Variants in SERGEF observed in about 807,000 individuals in gnomAD.
The protein encoded by SERGEF is secretion regulating guanine nucleotide exchange factor.
Under a neutral mutation model 50.0 loss-of-function variants are expected in SERGEF, and 51 were observed. The observed-to-expected ratio is 1.02, with a 90% CI of 0.81 to 1.29. SERGEF has a LOEUF of 1.29. Among genes scored for constraint, SERGEF ranks in the 50% most tolerant of loss-of-function variants. The pLI is 0.00. For missense variants in SERGEF, 521 were observed against 557.0 expected (o/e 0.94, Z 0.65); for synonymous variants, 205 against 212.4 (o/e 0.97, Z 0.30).
intron 8 of SERGEF, among the ~76,000 whole-genome samples, chr11:17,981,443 G>A (rs1453496907): frequency 6.6e-6 from 1 of 152,204 alleles, no homozygotes; most frequent in Non-Finnish European, 1.5e-5. Context: ...TCTGGAATTA[G>A]AATAGCAGGC....
intron 10 of SERGEF, among the ~76,000 whole-genome samples, chr11:17,814,433 A>G (rs530588775): frequency 6.6e-6 from 1 of 152,282 alleles, no homozygotes; most frequent in Non-Finnish European, 1.5e-5. Context: ...AGCCCCCACT[A>G]CTGTGTGAGC....
intron 8 of SERGEF, among the ~76,000 whole-genome samples, chr11:17,963,364 TAAAAAAA>T (rs1174880141): frequency 8.0e-5 from 4 of 49,882 alleles, no homozygotes; most frequent in Non-Finnish European, 1.1e-4. Context: ...TTACTATTAG[TAAAAAAA>T]AAAAAAAAAA....
At chr11:17,897,841 G>A (rs567540941) in intron 9 of SERGEF, among the ~76,000 whole-genome samples, 1 of 152,212 alleles carries the variant, frequency 6.6e-6, no homozygotes, top group African/African-American at 2.4e-5. Context: ...AGAATGGGGA[G>A]GTCCACTCAC....
chr11:17,981,957 C>G (rs1000913170), intron 8 of SERGEF, among the ~76,000 whole-genome samples: 1 of 152,030 alleles, frequency 6.6e-6, no homozygotes, highest in African/African-American at 2.4e-5. Flanking sequence ...CGCACCACCA[C>G]ACCCAGATAA....
chr11:17,855,729 G>C (rs1182809700), intron 10 of SERGEF: 3 of 152,206 alleles, frequency 2.0e-5, no homozygotes, highest in Non-Finnish European at 4.4e-5. Flanking sequence ...TGCAACTGCA[G>C]ATAAGGGGAA....
chr11:17,886,134 C>T (rs1851424148), intron 9 of SERGEF, among the ~76,000 whole-genome samples: 1 of 152,148 alleles, frequency 6.6e-6, no homozygotes, highest in Admixed American at 6.5e-5. Flanking sequence ...TCAGTTCCCT[C>T]ATCTGTAAAA....
chr11:17,973,101 G>A (rs1853286955), intron 8 of SERGEF, among the ~76,000 whole-genome samples: 1 of 152,138 alleles, frequency 6.6e-6, no homozygotes, highest in Non-Finnish European at 1.5e-5. Flanking sequence ...CAAGCTGAAG[G>A]CTAAAGCTGG....
intron 9 of SERGEF, among the ~76,000 whole-genome samples, chr11:17,940,014 G>A (rs919067766): frequency 5.9e-5 from 9 of 152,196 alleles, no homozygotes; most frequent in African/African-American, 1.9e-4. Flanking sequence ...GTTTATTACA[G>A]AGGAAAGAGC....
intron 9 of SERGEF, among the ~76,000 whole-genome samples, chr11:17,942,902 T>C (rs1852586976): frequency 6.6e-6 from 1 of 152,156 alleles, no homozygotes; most frequent in Non-Finnish European, 1.5e-5. Context: ...ATGAATTAAA[T>C]TGATTTTCAA....
intron 9 of SERGEF, among the ~76,000 whole-genome samples, chr11:17,917,103 A>C (rs1852063361): frequency 6.6e-6 from 1 of 152,262 alleles, no homozygotes. Flanking sequence ...TATACAAAAA[A>C]GATACTTGCA....
rs1311655912 is a variant in SERGEF, at chr11:18,008,701, TAG to T, written c.61-627_61-626del. Among the ~76,000 whole-genome samples the T allele has an allele frequency of 3.3e-5, 5 of 151,864 alleles. No homozygotes were observed. In the South Asian group the frequency reaches 1.0e-3, roughly 32 times the overall value. Reference sequence around the variant, plus strand: ...TTGAGGAGGAGGGGCTTCTCTTCTCTAGAGAGAGTTCTGGGCTACGAGTCGTT... The same window carrying T: ...TTGAGGAGGAGGGGCTTCTCTTCTCTAGAGAGTTCTGGGCTACGAGTCGTT... On this transcript the variant is annotated intron_variant, in intron 1 of 10. Coordinates refer to ENST00000265965, the MANE Select transcript of SERGEF (RefSeq NM_012139.4).
intron 1 of SERGEF, among the ~76,000 whole-genome samples, chr11:18,012,323 C>G (rs530465781): frequency 6.6e-6 from 1 of 152,328 alleles, no homozygotes; most frequent in African/African-American, 2.4e-5. Flanking sequence ...TGCCACGCTC[C>G]TGTGCATGAA....
chr11:17,898,345 G>A (rs1014665529), intron 9 of SERGEF, among the ~76,000 whole-genome samples: 2 of 152,212 alleles, frequency 1.3e-5, no homozygotes, highest in Non-Finnish European at 2.9e-5. Flanking sequence ...GGAAGCTACT[G>A]CAGTAGTCCA....
At chr11:17,952,233 T>C (rs924792554) in intron 9 of SERGEF, among the ~76,000 whole-genome samples, 3 of 152,218 alleles carry the variant, frequency 2.0e-5, no homozygotes, top group African/African-American at 7.2e-5. Flanking sequence ...TGACTTTTAT[T>C]TGTGAATTCT....
chr11:17,967,951 C>T (rs1203475435), intron 8 of SERGEF, among the ~76,000 whole-genome samples: 3 of 152,224 alleles, frequency 2.0e-5, no homozygotes, highest in African/African-American at 7.2e-5. Flanking sequence ...CTGCTGCCTC[C>T]CTAAAGCACC....
chr11:17,915,561 T>A (rs1341211116), intron 9 of SERGEF, among the ~76,000 whole-genome samples: 3 of 152,122 alleles, frequency 2.0e-5, no homozygotes, highest in Non-Finnish European at 4.4e-5. Flanking sequence ...TGAGGACCAT[T>A]AACTCAGCTG....
chr11:17,923,282 C>T (rs146664767), intron 9 of SERGEF, among the ~76,000 whole-genome samples: 30 of 152,224 alleles, frequency 2.0e-4, no homozygotes, highest in Non-Finnish European at 3.7e-4. Flanking sequence ...TACCTCAGTG[C>T]GCTCAGCTCT....
At chr11:17,905,654 G>A (rs953984125) in intron 9 of SERGEF, among the ~76,000 whole-genome samples, 2 of 152,192 alleles carry the variant, frequency 1.3e-5, no homozygotes, top group African/African-American at 2.4e-5. Flanking sequence ...AGTCAGAGGT[G>A]ACAGGAGTGA....
At chr11:18,012,514 C>A in intron 1 of SERGEF, 2 of 1,117,316 alleles carry the variant, frequency 1.8e-6, no homozygotes, top group Non-Finnish European at 2.2e-6. Flanking sequence ...CTAAAGGATG[C>A]TTTCGCCAGG....
Sources: allele counts gnomAD v4.1 joint callset (sites outside exome capture counted in the v4.1 genomes callset), GRCh38; gene constraint gnomAD v4.1.1; transcripts MANE v1.5; gene names NCBI Gene and HGNC (gene_info 2026-07-23, HGNC 2026-07-21).